The following VPS35L variants were observed in gnomAD, a reference collection of about 807,000 sequenced individuals.
The protein encoded by VPS35L is VPS35 endosomal protein-sorting factor-like.
A neutral mutation model predicts 133.0 loss-of-function variants in VPS35L; 83 were observed. The ratio of observed to expected loss-of-function variants is 0.62; its 90% CI spans 0.52 to 0.75. The LOEUF (loss-of-function observed/expected upper bound fraction) is 0.75. Ranked by LOEUF, VPS35L falls within the 30% of genes least tolerant of loss-of-function variation. The pLI is 0.00. For missense variants in VPS35L, 1,083 were observed against 1,206.8 expected, an observed-to-expected ratio of 0.90 and a Z score of 1.52; for synonymous variants, 423 against 449.9, an observed-to-expected ratio of 0.94 and a Z score of 0.76.
chr16:19,574,756 A>G (rs1341759756), intron 4 of VPS35L, among the ~76,000 whole-genome samples: 2 of 152,108 alleles, frequency 1.3e-5, no homozygotes, highest in Admixed American at 6.6e-5. Context: ...GAGGCCAGAG[A>G]TGGGGCTAAA....
At chr16:19,675,339 C>T (rs548441941) in intron 27 of VPS35L, among the ~76,000 whole-genome samples, 1 of 151,720 alleles carries the variant, frequency 6.6e-6, no homozygotes, top group East Asian at 1.9e-4. Context: ...GCCACTGCAC[C>T]CAGCTACCTC....
intron 26 of VPS35L, among the ~76,000 whole-genome samples, chr16:19,657,228 A>G (rs929970221): frequency 6.6e-6 from 1 of 152,068 alleles, no homozygotes; most frequent in Non-Finnish European, 1.5e-5. Context: ...CAGCCTCCCA[A>G]AGTGCTAGGA....
chr16:19,620,319 C>T (rs1041301475), intron 14 of VPS35L, among the ~76,000 whole-genome samples: 3 of 152,110 alleles, frequency 2.0e-5, no homozygotes, highest in African/African-American at 7.2e-5. Flanking sequence ...TTGAATTAGA[C>T]ACAAAGACAT....
At chr16:19,573,265 A>T (rs762440421) in intron 4 of VPS35L, 24 bp downstream of exon 4, 9 of 1,609,892 alleles carry the variant, frequency 5.6e-6, no homozygotes, top group Non-Finnish European at 7.6e-6. Context: ...GACCCTCTCC[A>T]GAGTCTACTT....
intron 12 of VPS35L, among the ~76,000 whole-genome samples, chr16:19,614,092 C>T (rs999138231): frequency 2.0e-5 from 3 of 152,120 alleles, no homozygotes; most frequent in African/African-American, 4.8e-5. Flanking sequence ...AACTCACAGC[C>T]GCTTCAGCTC....
chr16:19,684,167 T>G (rs1333957779), intron 28 of VPS35L, among the ~76,000 whole-genome samples: 1 of 152,114 alleles, frequency 6.6e-6, no homozygotes, highest in African/African-American at 2.4e-5. Flanking sequence ...ACCAGACATT[T>G]TGAACTTGCT....
chr16:19,642,207 C>G (rs2151578847), intron 21 of VPS35L, among the ~76,000 whole-genome samples, 189 bp from the exon 22 acceptor site: 1 of 152,256 alleles, frequency 6.6e-6, no homozygotes, highest in South Asian at 2.1e-4. Flanking sequence ...GAGACTCTGT[C>G]TCAAAAGTTT....
At chr16:19,645,968 GT>G (rs200741270) in intron 23 of VPS35L, among the ~76,000 whole-genome samples, 1 of 151,298 alleles carries the variant, frequency 6.6e-6, no homozygotes, top group Non-Finnish European at 1.5e-5. Context: ...TTTTTTTGCT[GT>G]TTTTTTTGGG....
At chr16:19,572,357 G>A (rs931122700) in intron 3 of VPS35L, among the ~76,000 whole-genome samples, 2 of 152,188 alleles carry the variant, frequency 1.3e-5, no homozygotes, top group Non-Finnish European at 2.9e-5. Flanking sequence ...TGCGGAGATT[G>A]CAGTGAGTAG....
intron 11 of VPS35L, 139 bp downstream of exon 11, chr16:19,609,160 C>T: frequency 2.8e-6 from 2 of 720,746 alleles, no homozygotes; most frequent in Non-Finnish European, 4.7e-6. Flanking sequence ...TTCTTTTTCT[C>T]ATTGAATCCA....
At chr16:19,641,888 A>G (rs151147554) in intron 21 of VPS35L, among the ~76,000 whole-genome samples, 3 of 152,300 alleles carry the variant, frequency 2.0e-5, no homozygotes, top group Non-Finnish European at 4.4e-5. Flanking sequence ...AGAAGTTATC[A>G]TGTGTATAGA....
rs141037636 is a variant in VPS35L at position 19,656,572 on chromosome 16, G to A, written c.2221+4482G>A. ...CAAGCCAGGTGCTCTTGGATGACTCGGCCTTTCTGTCCTGTTTCCCCATCT... is the reference window on the plus strand; with the variant it reads ...CAAGCCAGGTGCTCTTGGATGACTCAGCCTTTCTGTCCTGTTTCCCCATCT... On this transcript the variant is annotated intron_variant, in intron 26 of 30. Transcript: ENST00000417362. Among the ~76,000 whole-genome samples the A allele has an allele frequency of 2.7e-3, 405 of 151,652 alleles. 2 individuals are homozygous for A. The highest frequency in any genetic ancestry group is 8.9e-3 in the African/African-American group (368 of 41,286).
rs73535640 is a variant in VPS35L at position 19,617,303 on chromosome 16, A to G, written c.1224+495A>G. On this transcript the variant is annotated intron_variant, in intron 14 of 30. Transcript: ENST00000417362. ...AGCCCCAGAGTTCAAGGCTACAATGAGCTGTGACTGTACTACTGCACTCCA... is the reference window on the plus strand; with the variant it reads ...AGCCCCAGAGTTCAAGGCTACAATGGGCTGTGACTGTACTACTGCACTCCA... 1.3e-3 allele frequency: 342 copies of G among 260,258 alleles called. 1 individual carries two copies. Among genetic ancestry groups the G allele is most frequent in the African/African-American group, 7.3e-3 (332 of 45,210 alleles). The allele number at this position is 260,258 out of a possible 1,614,324, so 16.1% of individuals were successfully genotyped here. A position where few individuals can be genotyped will look rare whatever the true frequency, so the allele number is the denominator to read the frequency against.
In VPS35L at chr16:19,581,595, C is replaced by T. The variant is rs150962264; in HGVS notation, c.581C>T (p.Ser194Leu). Residue 194 changes from serine to leucine, a missense_variant, in exon 7 of 31, where the codon TCG (serine) becomes TTG (leucine). Coordinates refer to ENST00000417362, the MANE Select transcript of VPS35L (RefSeq NM_020314.7). ...AACCGCATAGAGGAGCTCAACCAAT[C>T]GCTGAAGGATGCCTGGGCCTCAGAC... is the stretch of plus-strand genomic sequence containing the variant. Reference protein sequence around the residue: ...YVNRIEELNQSLKDAWASDQK... With the variant: ...YVNRIEELNQLLKDAWASDQK... 1.5e-4 allele frequency: 245 copies of T among 1,613,996 alleles called. 1 individual carries two copies. The highest frequency in any genetic ancestry group is 1.9e-4 in the Non-Finnish European group (219 of 1,180,002).
intron 12 of VPS35L, 146 bp from the exon 13 acceptor site, chr16:19,615,968 A>AAT: frequency 3.9e-6 from 1 of 254,772 alleles, no homozygotes. Context: ...CTCCATCTCA[A>AAT]AATAATAATA....
At chr16:19,612,634 A>T (rs8049073) in intron 12 of VPS35L, among the ~76,000 whole-genome samples, 57,315 of 152,148 alleles carry the variant, frequency 0.38, 12,253 homozygotes, top group East Asian at 0.68. Context: ...CATCATTTGA[A>T]TAAGGCCTGA....
intron 26 of VPS35L, among the ~76,000 whole-genome samples, chr16:19,659,871 T>C (rs990560665): frequency 6.6e-6 from 1 of 152,186 alleles, no homozygotes; most frequent in African/African-American, 2.4e-5. Flanking sequence ...AAACCTAAAC[T>C]CATACGGAGA....
intron 26 of VPS35L, among the ~76,000 whole-genome samples, chr16:19,667,869 T>C (rs1014635729): frequency 2.6e-5 from 4 of 152,170 alleles, no homozygotes; most frequent in African/African-American, 2.4e-5. Flanking sequence ...CCCATGACAG[T>C]ACCCTGTTCA....
In VPS35L at chr16:19,559,046, C is replaced by T. The variant is rs140429772; in HGVS notation, c.17+3300C>T. On this transcript the variant is annotated intron_variant, in intron 1 of 30. Coordinates refer to ENST00000417362, the MANE Select transcript of VPS35L (RefSeq NM_020314.7). ...TTGTGGAAGAAAAAGCTGTGTGGTC[C>T]GATTATGTGATTAGTAACCAAAAAC... 1.7e-3 allele frequency among the ~76,000 whole-genome samples: 261 copies of T among 151,808 alleles called. 2 individuals carry two copies. Among genetic ancestry groups the T allele is most frequent in the East Asian group, 1.9e-3 (10 of 5,164 alleles).
Sources: gnomAD v4.1 joint callset for allele counts (sites outside exome capture counted in the v4.1 genomes callset) on GRCh38, gnomAD v4.1.1 for gene constraint, MANE v1.5 for transcripts, NCBI Gene and HGNC (gene_info 2026-07-23, HGNC 2026-07-21) for gene names.